The following NELL2 variants were observed in gnomAD, a reference collection of about 807,000 sequenced individuals.
NELL2 encodes the protein neural EGFL like 2, also known as protein kinase C-binding protein NELL2.
A neutral mutation model predicts 109.6 loss-of-function variants in NELL2; 41 were observed. That is an observed-to-expected ratio of 0.37 (90% confidence interval 0.29 to 0.49). NELL2 has a LOEUF of 0.49. Ranked by LOEUF, NELL2 falls within the 20% of genes least tolerant of loss-of-function variation. NELL2 has a pLI of 0.98. For synonymous variants in NELL2, 355 were observed against 344.7 expected, an observed-to-expected ratio of 1.03 and a Z score of -0.33; for missense variants, 900 against 1,008.3, an observed-to-expected ratio of 0.89 and a Z score of 1.45.
At chr12:44,703,613 T>C in intron 12 of NELL2, 113 bp downstream of exon 12, 3 of 1,095,818 alleles carry the variant, frequency 2.7e-6, no homozygotes, top group Non-Finnish European at 4.1e-6. Context: ...TCAAATTAAA[T>C]TCACTGCTTT....
chr12:44,828,306 C>T (rs935091912), intron 2 of NELL2, among the ~76,000 whole-genome samples: 3 of 152,128 alleles, frequency 2.0e-5, no homozygotes, highest in African/African-American at 7.2e-5. Flanking sequence ...TCCCTTAACA[C>T]ATTTATATGC....
intron 15 of NELL2, among the ~76,000 whole-genome samples, chr12:44,580,301 G>A (rs1411314736): frequency 6.6e-6 from 1 of 152,152 alleles, no homozygotes; most frequent in East Asian, 1.9e-4. Flanking sequence ...AATGGTGTCT[G>A]TTGAGATTAA....
intron 12 of NELL2, among the ~76,000 whole-genome samples, chr12:44,679,513 G>C (rs1948427481): frequency 6.6e-6 from 1 of 152,128 alleles, no homozygotes; most frequent in Non-Finnish European, 1.5e-5. Flanking sequence ...CATATGCATT[G>C]TATGTTAATT....
intron 15 of NELL2, among the ~76,000 whole-genome samples, chr12:44,544,276 C>T (rs1422852959): frequency 6.6e-6 from 1 of 152,084 alleles, no homozygotes. Context: ...TCATACCCAG[C>T]ATTCTACTGA....
At chr12:44,761,364 G>A (rs551076394) in intron 9 of NELL2, among the ~76,000 whole-genome samples, 38 of 152,014 alleles carry the variant, frequency 2.5e-4, no homozygotes, top group African/African-American at 6.8e-4. Context: ...GCGAAACTCC[G>A]TCTCAAAAAC....
intron 9 of NELL2, among the ~76,000 whole-genome samples, chr12:44,756,295 CTT>C (rs1446200717): frequency 6.6e-6 from 1 of 151,644 alleles, no homozygotes; most frequent in East Asian, 1.9e-4. Flanking sequence ...CATGTTCAAC[CTT>C]TCTCTCTCTC....
chr12:44,611,749 C>T (rs1049146926), intron 13 of NELL2, among the ~76,000 whole-genome samples: 2 of 152,016 alleles, frequency 1.3e-5, no homozygotes, highest in African/African-American at 4.8e-5. Flanking sequence ...GTTTAAGTAG[C>T]CTGCCCAAGT....
At chr12:44,851,114 A>C (rs1592652742) in intron 2 of NELL2, among the ~76,000 whole-genome samples, 2 of 152,254 alleles carry the variant, frequency 1.3e-5, no homozygotes, top group East Asian at 3.9e-4. Flanking sequence ...TTCAACACTT[A>C]CCTTTTTGTT....
intron 2 of NELL2, among the ~76,000 whole-genome samples, chr12:44,841,878 C>G (rs1029111716): frequency 2.6e-5 from 4 of 151,898 alleles, no homozygotes; most frequent in African/African-American, 4.8e-5. Context: ...GCTCCTCTAG[C>G]CACCTTAACA....
At position 44,661,687 on chromosome 12, in the gene NELL2, A is replaced by G. The variant is rs550757116; in HGVS notation, c.1444+3797T>C. 9.8e-5 allele frequency among the ~76,000 whole-genome samples: 15 copies of G among 152,300 alleles called. No individual in the cohort carries two copies. In the South Asian group the frequency reaches 1.7e-3, roughly 17 times the overall value. On this transcript the variant is annotated intron_variant, in intron 13 of 19. Transcript: ENST00000429094. ...ACCCAATTTAATTAATGCTTACGTGAGTGAACCAAAAAAAGCCATTCGTCC... is the reference window on the plus strand; with the variant it reads ...ACCCAATTTAATTAATGCTTACGTGGGTGAACCAAAAAAAGCCATTCGTCC...
At chr12:44,889,723 G>T (rs550994401) in intron 1 of NELL2, among the ~76,000 whole-genome samples, 2 of 152,174 alleles carry the variant, frequency 1.3e-5, no homozygotes, top group South Asian at 2.1e-4. Flanking sequence ...AAATATAGCA[G>T]TCATTAAAAA....
chr12:44,852,363 T>G (rs753118285), intron 2 of NELL2, among the ~76,000 whole-genome samples: 15 of 152,206 alleles, frequency 9.9e-5, no homozygotes, highest in African/African-American at 3.6e-4. Flanking sequence ...TAGCACATAT[T>G]TGTCATGTTG....
intron 3 of NELL2, among the ~76,000 whole-genome samples, chr12:44,783,490 A>G (rs942902070): frequency 2.6e-5 from 4 of 151,940 alleles, no homozygotes; most frequent in Non-Finnish European, 4.4e-5. Flanking sequence ...GAGAAAAGAT[A>G]TCAATATTAA....
intron 1 of NELL2, among the ~76,000 whole-genome samples, chr12:44,906,148 A>G (rs568958815): frequency 3.7e-4 from 56 of 152,162 alleles, no homozygotes; most frequent in Non-Finnish European, 7.4e-4. Flanking sequence ...ACGATATCTT[A>G]GGGAAGAGGG....
At chr12:44,857,148 T>C (rs180862693) in intron 2 of NELL2, among the ~76,000 whole-genome samples, 58 of 152,226 alleles carry the variant, frequency 3.8e-4, no homozygotes, top group Non-Finnish European at 7.1e-4. Context: ...GAATCCTGAA[T>C]GATATGTAAG....
At chr12:44,762,903 A>C (rs944351666) in intron 9 of NELL2, among the ~76,000 whole-genome samples, 7 of 152,146 alleles carry the variant, frequency 4.6e-5, no homozygotes, top group Admixed American at 1.3e-4. Context: ...GTGGTAAAAC[A>C]CTTATTTCAC....
chr12:44,651,919 T>C (rs1947313687), intron 13 of NELL2, among the ~76,000 whole-genome samples: 1 of 152,158 alleles, frequency 6.6e-6, no homozygotes, highest in African/African-American at 2.4e-5. Context: ...TCAGCTGTAA[T>C]TGATAGTTGA....
intron 15 of NELL2, among the ~76,000 whole-genome samples, chr12:44,579,415 G>A (rs1944244040): frequency 6.6e-6 from 1 of 152,146 alleles, no homozygotes; most frequent in African/African-American, 2.4e-5. Flanking sequence ...TATAGATAAC[G>A]ATTTTGTTCT....
At chr12:44,800,256 G>C (rs1419874865) in intron 3 of NELL2, among the ~76,000 whole-genome samples, 1 of 152,022 alleles carries the variant, frequency 6.6e-6, no homozygotes, top group African/African-American at 2.4e-5. Flanking sequence ...ATCTTTTCTG[G>C]ATATAGTTTT....
Sources: allele counts gnomAD v4.1 joint callset (sites outside exome capture counted in the v4.1 genomes callset), GRCh38; gene constraint gnomAD v4.1.1; transcripts MANE v1.5; gene names NCBI Gene and HGNC (gene_info 2026-07-23, HGNC 2026-07-21).